VPS13B: variants seen among roughly 807,000 people sequenced by gnomAD.
VPS13B encodes the protein vacuolar protein sorting 13 homolog B.
In VPS13B, 285 loss-of-function variants were observed where a neutral mutation model predicts 426.4. The ratio of observed to expected loss-of-function variants is 0.67; its 90% CI spans 0.61 to 0.74. The LOEUF (loss-of-function observed/expected upper bound fraction) is 0.74. VPS13B is among the 30% of genes least tolerant of loss of function. The pLI, the probability that VPS13B is intolerant of heterozygous loss-of-function variation, is 0.00. For missense variants in VPS13B, 4,537 were observed against 4,782.6 expected (o/e 0.95, Z 1.51); for synonymous variants, 1,676 against 1,676.4 (o/e 1.00, Z 0.01).
chr8:99,140,226 G>T (rs1340229288), intron 12 of VPS13B, among the ~76,000 whole-genome samples: 1 of 151,788 alleles, frequency 6.6e-6, no homozygotes, highest in Non-Finnish European at 1.5e-5. Flanking sequence ...TTAGCCGGGG[G>T]TGGTGGCAGG....
At chr8:99,028,167 C>T (rs1490360305) in intron 2 of VPS13B, among the ~76,000 whole-genome samples, 6 of 152,072 alleles carry the variant, frequency 3.9e-5, no homozygotes, top group African/African-American at 7.2e-5. Context: ...CCACCCTTCC[C>T]GCCTTTCTAT....
At chr8:99,762,965 G>A (rs754348052) in intron 39 of VPS13B, among the ~76,000 whole-genome samples, 4 of 151,054 alleles carry the variant, frequency 2.6e-5, no homozygotes, top group Admixed American at 6.6e-5. Context: ...GAGGGAGACC[G>A]TGTCTCTATA....
At chr8:99,189,936 T>C (rs1419692071) in intron 16 of VPS13B, among the ~76,000 whole-genome samples, 3 of 152,200 alleles carry the variant, frequency 2.0e-5, no homozygotes, top group African/African-American at 7.2e-5. Context: ...TGGGGTGTCC[T>C]ACAAATGTCA....
chr8:99,127,786 TTTA>T (rs151178512), intron 8 of VPS13B, among the ~76,000 whole-genome samples: 3,286 of 152,216 alleles, frequency 0.022, 128 homozygotes, highest in African/African-American at 0.075. Context: ...TTAAAATGAA[TTTA>T]TTATATGTTG....
At chr8:99,017,646 C>T (rs550035210) in intron 2 of VPS13B, among the ~76,000 whole-genome samples, 5 of 152,002 alleles carry the variant, frequency 3.3e-5, no homozygotes, top group African/African-American at 1.2e-4. Context: ...GTGTGCACCA[C>T]CACGCCTGGC....
At chr8:99,582,712 G>T (rs1301794121) in intron 33 of VPS13B, among the ~76,000 whole-genome samples, 1 of 151,948 alleles carries the variant, frequency 6.6e-6, no homozygotes, top group African/African-American at 2.4e-5. Context: ...CAGGAGTGCA[G>T]TGGCGCAATC....
chr8:99,750,043 A>G (rs1810315572), intron 39 of VPS13B, among the ~76,000 whole-genome samples: 2 of 152,198 alleles, frequency 1.3e-5, no homozygotes, highest in Admixed American at 1.3e-4. Context: ...TTTTTTAAAA[A>G]GAGACTTCAC....
rs149410504 is a variant in VPS13B, at chr8:99,375,860, C to T, written c.2825-8348C>T. On this transcript the variant is annotated intron_variant, in intron 19 of 61. Transcript: ENST00000357162. The stretch of plus-strand genomic sequence containing the variant: ...TTAATATGTTTGTGTTTTTTTGTCT[C>T]GTTCATTGGTTTAAGAAAAAACACA... Among the ~76,000 whole-genome samples the T allele has an allele frequency of 3.9e-4, 59 of 151,934 alleles. 1 individual carries two copies. In the East Asian group the frequency reaches 4.1e-3, roughly 10 times the overall value.
Position 99,821,279 on chromosome 8 carries a change from G to GCATTATT in VPS13B, c.8995-14_8995-8dup, listed in dbSNP as rs2130821821. The GCATTATT allele has an allele frequency of 6.2e-7, 1 of 1,612,540 alleles. No individual in the cohort carries two copies. The highest frequency in any genetic ancestry group is 2.2e-5 in the East Asian group (1 of 44,764). ...GTAAGAAAATTACTTTATAATTGAG[G>GCATTATT]CATTATTTTTCCAGGAAGCTTTTCA... On this transcript the variant is annotated splice_polypyrimidine_tract_variant and intron_variant, in intron 49 of 61. Transcript: ENST00000357162.
At chr8:99,169,925 TG>T in intron 15 of VPS13B, 113 bp from the exon 16 acceptor site, 1 of 1,266,964 alleles carries the variant, frequency 7.9e-7, no homozygotes, top group Non-Finnish European at 1.1e-6. Flanking sequence ...AAAAAGACTT[TG>T]GAACATATTT....
chr8:99,100,482 G>A (rs1563539749), intron 4 of VPS13B, among the ~76,000 whole-genome samples: 2 of 151,878 alleles, frequency 1.3e-5, no homozygotes, highest in Non-Finnish European at 2.9e-5. Context: ...TAGAGACGGG[G>A]TTTTACCATG....
chr8:99,397,226 A>T (rs1588329998), intron 21 of VPS13B, among the ~76,000 whole-genome samples: 5 of 152,002 alleles, frequency 3.3e-5, no homozygotes, highest in Admixed American at 3.3e-4. Context: ...GCTCACTGCA[A>T]CCTCCACCTC....
intron 54 of VPS13B, among the ~76,000 whole-genome samples, chr8:99,840,186 A>G (rs1456766014): frequency 6.6e-6 from 1 of 152,262 alleles, no homozygotes; most frequent in Non-Finnish European, 1.5e-5. Context: ...CTATGCTTCC[A>G]TTAATAAAGT....
In VPS13B at chr8:99,722,802, C is replaced by G. The variant is rs115984525; in HGVS notation, c.7050+1755C>G. Among the ~76,000 whole-genome samples the G allele has an allele frequency of 5.9e-5, 9 of 152,170 alleles. No homozygotes were observed. The East Asian group carries it at 1.4e-3, about 23-fold the overall frequency. On this transcript the variant is annotated intron_variant, in intron 39 of 61. Transcript: ENST00000357162. ...GATTACAGGCGTGAGCCACCGTGCC[C>G]GGCCGAATTCTACTGTCTTATCAGA...
intron 44 of VPS13B, among the ~76,000 whole-genome samples, chr8:99,811,407 T>C (rs1024240234): frequency 6.6e-6 from 1 of 152,154 alleles, no homozygotes; most frequent in African/African-American, 2.4e-5. Context: ...CTCTAGGCCT[T>C]CTCAAATTTG....
chr8:99,482,652 C>A (rs1037975044), intron 25 of VPS13B, among the ~76,000 whole-genome samples: 5 of 152,118 alleles, frequency 3.3e-5, no homozygotes, highest in Admixed American at 2.0e-4. Flanking sequence ...AAGTTTCAAA[C>A]ACAACACAGT....
At chr8:99,719,649 A>C (rs2130334128) in intron 37 of VPS13B, among the ~76,000 whole-genome samples, 1 of 152,290 alleles carries the variant, frequency 6.6e-6, no homozygotes, top group East Asian at 1.9e-4. Context: ...CTTCATTATA[A>C]CCTACTGGTC....
In VPS13B at chr8:99,861,737, T is replaced by C. The variant is rs375730627; in HGVS notation, c.11045-39T>C. ...CTACTGCCTTGGGGTCCATCATGTA[T>C]GCGACAAGGAGGCTAACCCCATGCT... On this transcript the variant is annotated intron_variant, in intron 57 of 61. Transcript: ENST00000357162. The C allele has an allele frequency of 3.3e-5, 52 of 1,568,412 alleles. No individual in the cohort carries two copies. In the African/African-American group the frequency reaches 6.2e-4, roughly 19 times the overall value.
intron 35 of VPS13B, among the ~76,000 whole-genome samples, chr8:99,666,885 G>T (rs1390138042): frequency 6.6e-6 from 1 of 152,118 alleles, no homozygotes; most frequent in Non-Finnish European, 1.5e-5. Flanking sequence ...GTTTGCAGAT[G>T]ACATGATTGT....
Sources: allele counts gnomAD v4.1 joint callset (sites outside exome capture counted in the v4.1 genomes callset), GRCh38; gene constraint gnomAD v4.1.1; transcripts MANE v1.5; gene names NCBI Gene and HGNC (gene_info 2026-07-23, HGNC 2026-07-21).